Variants in MFN1 observed in about 807,000 individuals in gnomAD.
MFN1 encodes the protein mitofusin-1.
A neutral mutation model predicts 92.4 loss-of-function variants in MFN1; 65 were observed. The ratio of observed to expected loss-of-function variants is 0.70; its 90% CI spans 0.58 to 0.86. MFN1 has a LOEUF of 0.86. Ranked by LOEUF, MFN1 falls within the 40% of genes least tolerant of loss-of-function variation. MFN1 has a pLI of 0.00. For synonymous variants in MFN1, 297 were observed against 300.9 expected, an observed-to-expected ratio of 0.99 and a Z score of 0.13; for missense variants, 781 against 868.0, an observed-to-expected ratio of 0.90 and a Z score of 1.26.
chr3:179,353,277 G>A (rs553082401), intron 3 of MFN1, among the ~76,000 whole-genome samples: 7 of 149,822 alleles, frequency 4.7e-5, no homozygotes, highest in Non-Finnish European at 8.9e-5. Context: ...TGTTGCCCAG[G>A]CTGGTCTCGA....
At chr3:179,352,380 A>C (rs2287312) in intron 3 of MFN1, among the ~76,000 whole-genome samples, 2 of 152,104 alleles carry the variant, frequency 1.3e-5, no homozygotes, top group African/African-American at 2.4e-5. Flanking sequence ...CTAGGATGAA[A>C]TCACTTTTGT....
At chr3:179,380,057 A>G (rs1022865885) in intron 14 of MFN1, among the ~76,000 whole-genome samples, 7 of 152,226 alleles carry the variant, frequency 4.6e-5, no homozygotes, top group South Asian at 2.1e-4. Flanking sequence ...AAATGAACTG[A>G]AAATCGAAGG....
At chr3:179,388,723 G>T (rs1195334588) in intron 16 of MFN1, among the ~76,000 whole-genome samples, 1 of 152,192 alleles carries the variant, frequency 6.6e-6, no homozygotes, top group African/African-American at 2.4e-5. Flanking sequence ...TTTCCTAGGG[G>T]AGATGTGTAG....
At position 179,390,054 on chromosome 3, in the gene MFN1, A is replaced by G; in HGVS notation, c.2063A>G (p.Gln688Arg). Residue 688 changes from glutamine (Q) to arginine (R), a missense_variant, in exon 17 of 18, where the codon CAA (glutamine) becomes CGA (arginine). Physicochemically the swap from Gln to Arg is conservative, Grantham distance 43 (BLOSUM62 1). Coordinates refer to ENST00000471841, the MANE Select transcript of MFN1 (RefSeq NM_033540.3). ...CTGTGCCAACAAGTTGATATTACTCAAAAACAGCTGGAAGAAGAAATTGCT... is the reference window on the plus strand; with the variant it reads ...CTGTGCCAACAAGTTGATATTACTCGAAAACAGCTGGAAGAAGAAATTGCT... ...ARLCQQVDIT[Q>R]KQLEEEIARL... 1 of 1,605,486 alleles carries G rather than the reference A, an allele frequency of 6.2e-7. No individual in the cohort carries two copies. Among genetic ancestry groups the G allele is most frequent in the Non-Finnish European group, 8.5e-7 (1 of 1,177,744 alleles).
chr3:179,391,985 A>G lies in MFN1; in HGVS notation c.2152A>G (p.Lys718Glu). ...GTGTTTTATTTTTTTAATTAGAAATAAAGCTGTTCAACTTGAAAATGAGCT... is the reference window on the plus strand; with the variant it reads ...GTGTTTTATTTTTTTAATTAGAAATGAAGCTGTTCAACTTGAAAATGAGCT... ...IQNNSKLLRNKAVQLENELEN... is the reference protein window; with the variant it reads ...IQNNSKLLRNEAVQLENELEN... The change falls in exon 18 of 18, where the codon AAA (lysine) becomes GAA (glutamate). Residue 718 changes from lysine to glutamate, a missense_variant. By Grantham distance (56) the Lys-to-Glu change is moderately conservative. Transcript: ENST00000471841. 6.3e-7 allele frequency: 1 copy of G among 1,593,948 alleles called. No individual in the cohort carries two copies. The highest frequency in any genetic ancestry group is 8.6e-7 in the Non-Finnish European group (1 of 1,162,808).
Position 179,358,840 on chromosome 3 carries a change from G to A in MFN1, c.249G>A (p.Arg83=), listed in dbSNP as rs1201587187. The part of the protein sequence containing the change: ...RRHMKVAFFG[R]TSSGKSSVIN... ...TTTCATGATTTTGTATATTCTTCAG[G>A]ACAAGCAGTGGGAAGAGCTCTGTTA... The change falls in exon 4 of 18, where the codon AGG becomes AGA. Residue 83 remains arginine, a splice_region_variant and synonymous_variant. Transcript: ENST00000471841. 1 of 1,610,010 alleles carries A rather than the reference G, an allele frequency of 6.2e-7. No homozygotes were observed. Among genetic ancestry groups the A allele is most frequent in the Admixed American group, 1.7e-5 (1 of 59,410 alleles).
Position 179,394,831 on chromosome 3 carries a change from C to G in MFN1, c.*2772C>G, listed in dbSNP as rs563975954. 6.6e-6 allele frequency: 1 copy of G among 152,132 alleles called. No homozygotes were observed. Among genetic ancestry groups the G allele is most frequent in the Non-Finnish European group, 1.5e-5 (1 of 68,032 alleles). The allele number at this position is 152,132 out of a possible 1,614,324, so 9.4% of individuals were successfully genotyped here. On this transcript the variant is annotated 3_prime_UTR_variant, in exon 18 of 18. Coordinates refer to ENST00000471841, the MANE Select transcript of MFN1 (RefSeq NM_033540.3). Reference sequence around the variant, plus strand: ...AAGTTATTGCACATACACTTGTTTACTTTGTATGTTTGCAGGATTAAACTT... The same window carrying G: ...AAGTTATTGCACATACACTTGTTTAGTTTGTATGTTTGCAGGATTAAACTT...
chr3:179,375,483 T>A, intron 10 of MFN1, 142 bp downstream of exon 10: 1 of 969,052 alleles, frequency 1.0e-6, no homozygotes, highest in South Asian at 1.5e-5. Context: ...TACTTCTATA[T>A]TTTTAAGTGC....
chr3:179,364,475 G>C lies in MFN1; in HGVS notation c.645+70G>C. On this transcript the variant is annotated intron_variant, in intron 6 of 17. Coordinates refer to ENST00000471841, the MANE Select transcript of MFN1 (RefSeq NM_033540.3). ...ATGGTATCTGTTTTAATTCTGAAAA[G>C]CAAGGGAAATCCATATCGTGGATTA... The C allele has an allele frequency of 3.2e-6, 4 of 1,232,506 alleles. No homozygotes were observed. The South Asian group carries it at 5.0e-5, about 16-fold the overall frequency. The allele number at this position is 1,232,506 out of a possible 1,614,324, so 76.3% of individuals were successfully genotyped here.
At chr3:179,350,068 G>A (rs1264658521) in intron 2 of MFN1, among the ~76,000 whole-genome samples, 1 of 151,794 alleles carries the variant, frequency 6.6e-6, no homozygotes, top group African/African-American at 2.4e-5. Context: ...AGGGAGAATC[G>A]CTTGAACCTG....
intron 15 of MFN1, 65 bp from the exon 16 acceptor site, chr3:179,386,368 T>G: frequency 7.5e-7 from 1 of 1,335,102 alleles, no homozygotes. Flanking sequence ...ACTAAAATGC[T>G]TTTAAATGTA....
intron 1 of MFN1, 197 bp from the exon 2 acceptor site, chr3:179,348,648 A>T: frequency 2.8e-6 from 2 of 707,458 alleles, no homozygotes; most frequent in Non-Finnish European, 2.0e-6. Context: ...AATAGATTTC[A>T]CTTATTTTAG....
intron 16 of MFN1, 44 bp from the exon 17 acceptor site, chr3:179,389,960 A>G (rs1160231300): frequency 8.4e-6 from 13 of 1,539,104 alleles, no homozygotes; most frequent in Middle Eastern, 4.7e-4. Flanking sequence ...AAGCTTATTC[A>G]TTTTTGAAGA....
intron 3 of MFN1, among the ~76,000 whole-genome samples, chr3:179,356,067 T>C (rs538821738): frequency 2.6e-5 from 4 of 152,342 alleles, no homozygotes; most frequent in Non-Finnish European, 5.9e-5. Context: ...TCTAAAACCA[T>C]AGGAATTCCC....
intron 14 of MFN1, among the ~76,000 whole-genome samples, chr3:179,382,074 ATT>A (rs10542714): frequency 0.17 from 26,424 of 151,594 alleles, 2,395 homozygotes; most frequent in Admixed American, 0.24. Flanking sequence ...CATTTTTTTA[ATT>A]TTTTTTTATT....
chr3:179,378,949 T>C (rs1230425782), intron 14 of MFN1, 135 bp downstream of exon 14: 5 of 728,290 alleles, frequency 6.9e-6, no homozygotes, highest in African/African-American at 3.6e-5. Flanking sequence ...ATTTCTGAGG[T>C]AGATATTTAG....
At chr3:179,352,820 C>T (rs1371733112) in intron 3 of MFN1, among the ~76,000 whole-genome samples, 2 of 152,084 alleles carry the variant, frequency 1.3e-5, no homozygotes, top group African/African-American at 2.4e-5. Context: ...GGCACAATCT[C>T]GGCTCGCTGC....
chr3:179,358,631 A>G (rs950720793), intron 3 of MFN1, among the ~76,000 whole-genome samples: 2 of 152,232 alleles, frequency 1.3e-5, no homozygotes, highest in Non-Finnish European at 2.9e-5. Flanking sequence ...ACTGTGAGAA[A>G]GGTGGGATTT....
rs1712738220 is a variant in MFN1, at chr3:179,365,184, C to T, written c.712C>T (p.Arg238Cys). Residue 238 changes from arginine (R) to cysteine (C), a missense_variant, in exon 7 of 18, where the codon CGT (arginine) becomes TGT (cysteine). By Grantham distance (180) the Arg-to-Cys change is radical. Transcript: ENST00000471841. ...GCCTAATATTTTCATTCTCAATAAT[C>T]GTTGGGATGCCTCTGCATCAGAGCC... ...SKPNIFILNNRWDASASEPEY... is the reference protein window; with the variant it reads ...SKPNIFILNNCWDASASEPEY... 5.8e-6 allele frequency: 9 copies of T among 1,550,438 alleles called. No individual in the cohort carries two copies. Among genetic ancestry groups the T allele is most frequent in the East Asian group, 2.4e-5 (1 of 41,148 alleles).
Sources: gnomAD v4.1 joint callset for allele counts (sites outside exome capture counted in the v4.1 genomes callset) on GRCh38, gnomAD v4.1.1 for gene constraint, MANE v1.5 for transcripts, NCBI Gene and HGNC (gene_info 2026-07-23, HGNC 2026-07-21) for gene names.